CCDC7: variants seen among roughly 807,000 people sequenced by gnomAD.
CCDC7 encodes the protein coiled-coil domain-containing protein 7.
Under a neutral mutation model 196.9 loss-of-function variants are expected in CCDC7, and 183 were observed. The observed-to-expected ratio is 0.93, with a 90% CI of 0.82 to 1.05. CCDC7 has a LOEUF of 1.05. Ranked by LOEUF, CCDC7 falls within the 50% of genes least tolerant of loss-of-function variation. The pLI is 0.00. For missense variants in CCDC7, 1,540 were observed against 1,482.2 expected (o/e 1.04, Z -0.64); for synonymous variants, 525 against 484.6 (o/e 1.08, Z -1.10).
At chr10:32,443,785 A>G (rs2030464805), upstream of CCDC7, among the ~76,000 whole-genome samples, 2 of 152,018 alleles carry the variant, frequency 1.3e-5, no homozygotes, top group African/African-American at 4.8e-5. Flanking sequence ...AGCCTTTTTC[A>G]TTTCCATATA....
chr10:32,845,788 CACACACAT>C (rs1223396152), intron 35 of CCDC7, 80 bp from the exon 37 acceptor site: 3 of 1,123,726 alleles, frequency 2.7e-6, no homozygotes, highest in South Asian at 1.4e-5. Context: ...CACACACACA[CACACACAT>C]ACACACACAC....
intron 11 of CCDC7, among the ~76,000 whole-genome samples, chr10:32,542,214 A>C (rs1180736833): frequency 6.6e-6 from 1 of 152,222 alleles, no homozygotes; most frequent in Admixed American, 6.5e-5. Flanking sequence ...GAATACTTTA[A>C]AACCTGATTA....
chr10:32,729,316 A>AT lies in CCDC7; in HGVS notation c.2780-9dup, dbSNP rs781226606. 69 of 1,544,810 alleles carry AT rather than the reference A, an allele frequency of 4.5e-5. No individual in the cohort carries two copies. The highest frequency in any genetic ancestry group is 5.3e-5 in the Non-Finnish European group (61 of 1,146,760). Reference sequence around the variant, plus strand: ...TATCCAGAAGTTCTATTGCACATCTATTTTTTTCTATTTAGCGTTTCCTTT... The same window carrying AT: ...TATCCAGAAGTTCTATTGCACATCTATTTTTTTTCTATTTAGCGTTTCCTTT... On this transcript the variant is annotated splice_polypyrimidine_tract_variant and intron_variant, in intron 27 of 41. Transcript: ENST00000639629.
chr10:32,843,454 TGAAC>T (rs2093101373), intron 33 of CCDC7, among the ~76,000 whole-genome samples: 1 of 152,018 alleles, frequency 6.6e-6, no homozygotes, highest in South Asian at 2.1e-4. Flanking sequence ...CACAAATATG[TGAAC>T]ATCTTAAAAA....
intron 20 of CCDC7, among the ~76,000 whole-genome samples, chr10:32,659,887 T>C (rs776446841): frequency 6.6e-6 from 1 of 152,156 alleles, no homozygotes; most frequent in Non-Finnish European, 1.5e-5. Context: ...GAGTGTAAAT[T>C]AGTTCAACCA....
intron 20 of CCDC7, among the ~76,000 whole-genome samples, chr10:32,642,342 G>T (rs966547552): frequency 2.6e-5 from 4 of 152,210 alleles, no homozygotes; most frequent in Non-Finnish European, 5.9e-5. Context: ...CTCAAGCCTT[G>T]GCAATGGCGG....
At chr10:32,540,000 G>C (rs947568783) in intron 11 of CCDC7, among the ~76,000 whole-genome samples, 2 of 152,096 alleles carry the variant, frequency 1.3e-5, no homozygotes, top group African/African-American at 4.8e-5. Flanking sequence ...TTTGGGTGGA[G>C]ACTTGTGTAG....
rs572821322 is a variant in CCDC7 at position 32,629,012 on chromosome 10, C to T, written c.1802-5242C>T. On this transcript the variant is annotated intron_variant, in intron 18 of 41. Transcript: ENST00000639629. ...ATATTCTGTATATATCTATTAGGTT[C>T]GCTTGATCTAAAGTATAGTTCAAGT... Among the ~76,000 whole-genome samples, 17 of 152,204 alleles carry T rather than the reference C, an allele frequency of 1.1e-4. No homozygotes were observed. In the South Asian group the frequency reaches 2.5e-3, roughly 22 times the overall value.
chr10:32,869,055 A>G (rs2094324133), intron 41 of CCDC7, among the ~76,000 whole-genome samples: 1 of 151,482 alleles, frequency 6.6e-6, no homozygotes, highest in Admixed American at 6.6e-5. Context: ...TTATAGCAGC[A>G]TGATTTATAA....
At chr10:32,802,522 G>C (rs1208514588) in intron 29 of CCDC7, among the ~76,000 whole-genome samples, 1 of 152,058 alleles carries the variant, frequency 6.6e-6, no homozygotes, top group African/African-American at 2.4e-5. Context: ...ACCACTCCCA[G>C]TACCAAAATC....
chr10:32,777,988 C>T (rs966572092), intron 28 of CCDC7, among the ~76,000 whole-genome samples: 1 of 152,144 alleles, frequency 6.6e-6, no homozygotes, highest in Non-Finnish European at 1.5e-5. Flanking sequence ...ACTTGTATGT[C>T]TTCTTTTGAG....
chr10:32,511,266 G>GGT lies in CCDC7; in HGVS notation c.873-6678_873-6677insTG. On this transcript the variant is annotated intron_variant, in intron 9 of 41. Coordinates refer to ENST00000639629, the Ensembl canonical transcript of CCDC7. ...CAGAATTATTCTGTGGGGGGCGGGG[G>GGT]GGGCGGGGAAATGTACTTTTTGAAT... is the stretch of plus-strand genomic sequence containing the variant. The GGT allele has an allele frequency of 9.0e-6, 5 of 555,616 alleles. 1 individual carries two copies. The Admixed American group carries it at 9.7e-5, about 11-fold the overall frequency. The allele number at this position is 555,616 out of a possible 1,614,324, so 34.4% of individuals were successfully genotyped here. A position where few individuals can be genotyped will look rare whatever the true frequency, so the allele number is the denominator to read the frequency against.
intron 32 of CCDC7, among the ~76,000 whole-genome samples, chr10:32,828,509 A>AGAGGAAGAGGAAGAGGAAGAG (rs1565634921): frequency 2.9e-5 from 4 of 135,776 alleles, no homozygotes; most frequent in Non-Finnish European, 4.8e-5. Flanking sequence ...AAGAAGAAGA[A>AGAGGAAGAGGAAGAGGAAGAG]GAAGAAGAAG....
intron 33 of CCDC7, among the ~76,000 whole-genome samples, chr10:32,843,544 C>T (rs2093108108): frequency 6.6e-6 from 1 of 151,874 alleles, no homozygotes; most frequent in African/African-American, 2.4e-5. Context: ...CAGTGAATTC[C>T]AGGCAGGATC....
At chr10:32,745,833 T>G (rs1235293582) in intron 28 of CCDC7, among the ~76,000 whole-genome samples, 2 of 152,236 alleles carry the variant, frequency 1.3e-5, no homozygotes, top group African/African-American at 4.8e-5. Context: ...ATTGTCATCC[T>G]AACTCTAAGC....
chr10:32,861,153 G>C (rs1020341771), intron 41 of CCDC7, among the ~76,000 whole-genome samples: 1 of 143,576 alleles, frequency 7.0e-6, no homozygotes, highest in African/African-American at 2.6e-5. Flanking sequence ...AAGGCATCAT[G>C]CTACCTGACT....
At chr10:32,573,698 A>C (rs960570599) in intron 16 of CCDC7, among the ~76,000 whole-genome samples, 1 of 152,196 alleles carries the variant, frequency 6.6e-6, no homozygotes, top group African/African-American at 2.4e-5. Context: ...CATAGAATGG[A>C]TATATCAAAT....
At chr10:32,462,956 T>C (rs575114825) in intron 4 of CCDC7, 61 bp from the exon 6 acceptor site, 141 of 1,600,048 alleles carry the variant, frequency 8.8e-5, no homozygotes, top group African/African-American at 4.0e-4. Flanking sequence ...GATATTTATT[T>C]CATCAGTGCA....
At chr10:32,631,099 T>G (rs1414561215) in intron 18 of CCDC7, among the ~76,000 whole-genome samples, 1 of 152,204 alleles carries the variant, frequency 6.6e-6, no homozygotes, top group Non-Finnish European at 1.5e-5. Flanking sequence ...GGCAGACATG[T>G]GAGTGAATGA....
Sources: gnomAD v4.1 joint callset for allele counts (sites outside exome capture counted in the v4.1 genomes callset) on GRCh38, gnomAD v4.1.1 for gene constraint, MANE v1.5 for transcripts, NCBI Gene and HGNC (gene_info 2026-07-23, HGNC 2026-07-21) for gene names.